The following APBA1 variants were observed in gnomAD, a reference collection of about 807,000 sequenced individuals.
APBA1 encodes the protein amyloid beta precursor protein binding family A member 1.
In APBA1, 55 loss-of-function variants were observed where a neutral mutation model predicts 86.6. The observed-to-expected ratio is 0.64, with a 90% CI of 0.51 to 0.80. APBA1 has a LOEUF of 0.80. APBA1 is among the 30% of genes least tolerant of loss of function. The pLI, the probability that APBA1 is intolerant of heterozygous loss-of-function variation, is 0.00. For synonymous variants in APBA1, 511 were observed against 493.9 expected (o/e 1.03, Z -0.46); for missense variants, 1,090 against 1,183.0 (o/e 0.92, Z 1.15).
chr9:69,519,935 G>C (rs916771646), intron 1 of APBA1, among the ~76,000 whole-genome samples: 2 of 152,110 alleles, frequency 1.3e-5, no homozygotes, highest in African/African-American at 4.8e-5. Context: ...TCTCTGGTGG[G>C]GCAGGGGGTG....
At chr9:69,620,948 C>T (rs1158697735) in intron 1 of APBA1, among the ~76,000 whole-genome samples, 1 of 152,126 alleles carries the variant, frequency 6.6e-6, no homozygotes, top group East Asian at 1.9e-4. Context: ...ATGCGGCGGT[C>T]CTGCATGTGG....
At chr9:69,434,196 G>C (rs1193006219) in intron 11 of APBA1, among the ~76,000 whole-genome samples, 3 of 152,214 alleles carry the variant, frequency 2.0e-5, no homozygotes, top group Non-Finnish European at 4.4e-5. Flanking sequence ...GCGGGACTCT[G>C]TGCAGCCAGG....
chr9:69,489,956 C>G (rs951295073), intron 2 of APBA1, among the ~76,000 whole-genome samples: 1 of 152,088 alleles, frequency 6.6e-6, no homozygotes, highest in African/African-American at 2.4e-5. Context: ...ACCATTTGAT[C>G]CTGCCATCCC....
At chr9:69,648,716 C>G (rs376094957) in intron 1 of APBA1, among the ~76,000 whole-genome samples, 1 of 152,114 alleles carries the variant, frequency 6.6e-6, no homozygotes, top group African/African-American at 2.4e-5. Flanking sequence ...GTTCCCTGCT[C>G]TATCCCTCAT....
chr9:69,456,249 CCT>C lies in APBA1; in HGVS notation c.1784_1785del (p.Glu595GlyfsTer14). ...YKMICHVFES[E>X]DAQLIAQSIG... Reference sequence around the variant, plus strand: ...AGATCAAAGGAAGCAACCCTTACATCCTCAGACTCGAAGACGTGGCAGATCAT... The same window carrying C: ...AGATCAAAGGAAGCAACCCTTACATCCAGACTCGAAGACGTGGCAGATCAT... On this transcript the variant is annotated frameshift_variant, in exon 8 of 13. Coordinates refer to ENST00000265381, the MANE Select transcript of APBA1 (RefSeq NM_001163.4). LOFTEE classifies it high-confidence loss of function. 1 of 1,614,210 alleles carries C rather than the reference CCT, an allele frequency of 6.2e-7. No homozygotes were observed. The highest frequency in any genetic ancestry group is 8.5e-7 in the Non-Finnish European group (1 of 1,180,040).
chr9:69,489,167 C>G (rs887808996), intron 2 of APBA1, among the ~76,000 whole-genome samples: 1 of 152,048 alleles, frequency 6.6e-6, no homozygotes, highest in Non-Finnish European at 1.5e-5. Flanking sequence ...GCCCGCATTG[C>G]CAAGATAATC....
chr9:69,523,477 G>GTATATATATATATATATATATATGTATA (rs1163577400), intron 1 of APBA1, among the ~76,000 whole-genome samples: 1 of 80,632 alleles, frequency 1.2e-5, no homozygotes, highest in African/African-American at 5.5e-5. Context: ...ATATATATAT[G>GTATATATATATATATATATATATGTATA]TATATATATA....
At chr9:69,668,957 G>A (rs1403248938) in intron 1 of APBA1, among the ~76,000 whole-genome samples, 5 of 152,110 alleles carry the variant, frequency 3.3e-5, no homozygotes, top group Non-Finnish European at 7.4e-5. Context: ...CAGGAATACT[G>A]CTTTTTCAGC....
Position 69,428,401 on chromosome 9 carries a change from G to C in APBA1, c.*2926C>G, listed in dbSNP as rs1005995529. The C allele has an allele frequency of 2.6e-5, 4 of 152,342 alleles. No individual in the cohort carries two copies. Among genetic ancestry groups the C allele is most frequent in the African/African-American group, 9.7e-5 (4 of 41,448 alleles). The allele number at this position is 152,342 out of a possible 1,614,324, so 9.4% of individuals were successfully genotyped here. ...GGGCTCCAGGCATTGGTCTTTGGGG[G>C]TTTCTTCCTCTCATGAACCCAAGGC... On this transcript the variant is annotated 3_prime_UTR_variant, in exon 13 of 13. Transcript: ENST00000265381.
At chr9:69,482,710 C>T (rs1039523422) in intron 2 of APBA1, among the ~76,000 whole-genome samples, 17 of 151,906 alleles carry the variant, frequency 1.1e-4, no homozygotes, top group Non-Finnish European at 1.8e-4. Context: ...ATAGCAAAGA[C>T]TTGGAACCAA....
chr9:69,658,264 C>CTTTTCTT (rs780260549), intron 1 of APBA1, among the ~76,000 whole-genome samples: 1 of 65,826 alleles, frequency 1.5e-5, no homozygotes, highest in Non-Finnish European at 3.2e-5. Flanking sequence ...TTCTTTCTTT[C>CTTTTCTT]TTTCTTTCTT....
chr9:69,460,513 T>C (rs1835173023), intron 5 of APBA1, among the ~76,000 whole-genome samples: 1 of 152,164 alleles, frequency 6.6e-6, no homozygotes, highest in Admixed American at 6.5e-5. Context: ...CCTGAAATGA[T>C]ATGGCAGTAA....
intron 1 of APBA1, among the ~76,000 whole-genome samples, chr9:69,525,546 A>C (rs1836329161): frequency 6.6e-6 from 1 of 151,240 alleles, no homozygotes. Context: ...AACAATCTCT[A>C]CAAGGAGAAC....
chr9:69,521,420 C>T (rs1382491147), intron 1 of APBA1, among the ~76,000 whole-genome samples: 2 of 152,160 alleles, frequency 1.3e-5, no homozygotes, highest in African/African-American at 4.8e-5. Context: ...CACATTCATA[C>T]TTGATGAATG....
intron 1 of APBA1, among the ~76,000 whole-genome samples, chr9:69,636,926 A>AGAAGGAAGGAAG (rs780350949): frequency 3.2e-5 from 1 of 31,450 alleles, no homozygotes; most frequent in Non-Finnish European, 6.3e-5. Flanking sequence ...AAGGAAGGAA[A>AGAAGGAAGGAAG]GAAAGAAAGA....
In APBA1 at chr9:69,649,823, C is replaced by T. The variant is rs7019440; in HGVS notation, c.-70+22330G>A. 3.5e-3 allele frequency among the ~76,000 whole-genome samples: 540 copies of T among 152,224 alleles called. 6 individuals are homozygous for T. Among genetic ancestry groups the T allele is most frequent in the African/African-American group, 0.012 (517 of 41,536 alleles). On this transcript the variant is annotated intron_variant, in intron 1 of 12. Transcript: ENST00000265381. ...CATCTCTCCCCTTAACAAATCTCCC[C>T]AGTATGATGTCTGGGCTTAAAAGTG... is the stretch of plus-strand genomic sequence containing the variant.
intron 1 of APBA1, among the ~76,000 whole-genome samples, chr9:69,616,899 T>C (rs1398005028): frequency 6.6e-6 from 1 of 152,166 alleles, no homozygotes; most frequent in Non-Finnish European, 1.5e-5. Flanking sequence ...TTTTAAGATG[T>C]TTAAGACCCT....
chr9:69,489,466 A>G (rs1226399929), intron 2 of APBA1, among the ~76,000 whole-genome samples: 1 of 152,144 alleles, frequency 6.6e-6, no homozygotes, highest in Non-Finnish European at 1.5e-5. Flanking sequence ...CACCTTATAC[A>G]AAAATTAATT....
intron 1 of APBA1, among the ~76,000 whole-genome samples, chr9:69,565,416 G>A (rs1837010169): frequency 6.6e-6 from 1 of 152,040 alleles, no homozygotes; most frequent in Admixed American, 6.6e-5. Context: ...TCTCCAGCGA[G>A]CCCATCAGCT....
Sources: allele counts gnomAD v4.1 joint callset (sites outside exome capture counted in the v4.1 genomes callset), GRCh38; gene constraint gnomAD v4.1.1; transcripts MANE v1.5; gene names NCBI Gene and HGNC (gene_info 2026-07-23, HGNC 2026-07-21).